The following PCLO variants were observed in gnomAD, a reference collection of about 807,000 sequenced individuals.
The protein encoded by PCLO is protein piccolo.
Under a neutral mutation model 427.5 loss-of-function variants are expected in PCLO, and 82 were observed. The observed-to-expected ratio is 0.19, with a 90% CI of 0.16 to 0.23. PCLO has a LOEUF of 0.23. Among genes scored for constraint, PCLO ranks in the 10% least tolerant of loss-of-function variants. The probability of loss-of-function intolerance (pLI) is 1.00; values close to 1 mark genes in which losing one functional copy is unlikely to be tolerated. For missense variants in PCLO, 6,239 were observed against 6,115.9 expected, an observed-to-expected ratio of 1.02 and a Z score of -0.67; for synonymous variants, 2,357 against 2,155.4, an observed-to-expected ratio of 1.09 and a Z score of -2.59.
In PCLO at chr7:82,953,229, G is replaced by A. The variant is rs572387515; in HGVS notation, c.7724C>T (p.Ser2575Phe). Residue 2575 changes from serine (S) to phenylalanine (F), a missense_variant, in exon 5 of 25, where the codon TCC (serine) becomes TTC (phenylalanine). By Grantham distance (155) the Ser-to-Phe change is radical. Around this residue, in one of 5 missense-constraint regions of PCLO, gnomAD observed 4,677 missense variants for 4,468.4 expected, o/e 1.05. Transcript: ENST00000333891. ...AATAACTACATAAGTTTCTGTGAGG[G>A]ATTTGGAAAATCTTGGTGAAGACTT... ...SNKSSPRFSK[S>F]LTETYVVITL... The A allele has an allele frequency of 1.9e-6, 3 of 1,613,954 alleles. No homozygotes were observed. Among genetic ancestry groups the A allele is most frequent in the Non-Finnish European group, 1.7e-6 (2 of 1,179,864 alleles).
chr7:82,877,854 T>C (rs1434671336), intron 10 of PCLO, among the ~76,000 whole-genome samples: 1 of 152,120 alleles, frequency 6.6e-6, no homozygotes, highest in African/African-American at 2.4e-5. Flanking sequence ...TGTTTTTTAG[T>C]AGAGACAGGG....
intron 2 of PCLO, among the ~76,000 whole-genome samples, chr7:83,147,216 A>G (rs149795665): frequency 0.015 from 2,286 of 152,290 alleles, 36 homozygotes; most frequent in South Asian, 0.064. Context: ...ACTGGATCAC[A>G]TCAAAGATGA....
At chr7:83,029,782 T>TA (rs1287661045) in intron 3 of PCLO, among the ~76,000 whole-genome samples, 1 of 133,556 alleles carries the variant, frequency 7.5e-6, no homozygotes, top group African/African-American at 2.8e-5. Context: ...TATGCAGCCA[T>TA]AAAAAATGAT....
At position 82,952,273 on chromosome 7, in the gene PCLO, C is replaced by G. The variant is rs549765960; in HGVS notation, c.8680G>C (p.Asp2894His). The G allele has an allele frequency of 6.2e-7, 1 of 1,613,950 alleles. No homozygotes were observed. The highest frequency in any genetic ancestry group is 1.3e-5 in the African/African-American group (1 of 75,042). Reference protein sequence around the residue: ...TDSTVSQGITDGEVVDLSTTK... With the variant: ...TDSTVSQGITHGEVVDLSTTK... ...GTACTGAGATCCACTACTTCCCCAT[C>G]AGTGATTCCCTGGGATACGGTGCTA... is the stretch of plus-strand genomic sequence containing the variant. The change falls in exon 5 of 25, where the codon GAT becomes CAT. Residue 2894 changes from aspartate to histidine, a missense_variant. Asp to His is a moderately conservative substitution (Grantham distance 81, BLOSUM62 -1). Around this residue, in one of 5 missense-constraint regions of PCLO, gnomAD observed 4,677 missense variants for 4,468.4 expected, o/e 1.05. Coordinates refer to ENST00000333891, the MANE Select transcript of PCLO (RefSeq NM_033026.6).
At position 83,162,412 on chromosome 7, in the gene PCLO, A is replaced by G; in HGVS notation, c.181T>C (p.Ser61Pro). Residue 61 changes from serine to proline, a missense_variant, in exon 1 of 25, where the codon TCA becomes CCA. Physicochemically the swap from Ser to Pro is moderately conservative, Grantham distance 74. Coordinates refer to ENST00000333891, the MANE Select transcript of PCLO (RefSeq NM_033026.6). ...CCCTTGGGCAGCCCCTGCGCCCTTG[A>G]CATGACAGCGGCGATCTGTCTCCTC... The part of the protein sequence containing the change: ...EERRQIAAVM[S>P]RAQGLPKGSV... The G allele has an allele frequency of 6.3e-7, 1 of 1,598,506 alleles. No homozygotes were observed. Among genetic ancestry groups the G allele is most frequent in the Non-Finnish European group, 8.5e-7 (1 of 1,172,468 alleles).
rs199635218 is a variant in PCLO at position 82,937,336 on chromosome 7, GT to G, written c.11112+12139del. Among the ~76,000 whole-genome samples the G allele has an allele frequency of 3.4e-3, 468 of 137,434 alleles. 1 individual carries two copies. Among genetic ancestry groups the G allele is most frequent in the East Asian group, 0.013 (64 of 4,758 alleles). The allele number at this position is 137,434 out of a possible 152,430, so 90.2% of individuals were successfully genotyped here. Reference sequence around the variant, plus strand: ...AATGCCTGTTAACATCCACACTACAGTTTTTTTTTTTTTGCATTTGGAAAAC... The same window carrying G: ...AATGCCTGTTAACATCCACACTACAGTTTTTTTTTTTTGCATTTGGAAAAC... On this transcript the variant is annotated intron_variant, in intron 6 of 24. Coordinates refer to ENST00000333891, the MANE Select transcript of PCLO (RefSeq NM_033026.6).
chr7:82,954,601 C>T lies in PCLO; in HGVS notation c.6352G>A (p.Asp2118Asn), dbSNP rs1480665826. 2 of 1,613,826 alleles carry T rather than the reference C, an allele frequency of 1.2e-6. No individual in the cohort carries two copies. The highest frequency in any genetic ancestry group is 1.7e-6 in the Non-Finnish European group (2 of 1,179,880). Residue 2118 changes from aspartate to asparagine, a missense_variant, in exon 5 of 25, where the codon GAT becomes AAT. Asp to Asn is a conservative substitution (Grantham distance 23). Around this residue, in one of 5 missense-constraint regions of PCLO, gnomAD observed 4,677 missense variants for 4,468.4 expected, o/e 1.05. Coordinates refer to ENST00000333891, the MANE Select transcript of PCLO (RefSeq NM_033026.6). ...SSVLSGASLTDSTSSATLSIP... is the reference protein window; with the variant it reads ...SSVLSGASLTNSTSSATLSIP... ...GAGAGTGTTGCACTGCTGGTCGAATCTGTAAGAGACGCTCCTGAGAGAACA... is the reference window on the plus strand; with the variant it reads ...GAGAGTGTTGCACTGCTGGTCGAATTTGTAAGAGACGCTCCTGAGAGAACA...
intron 3 of PCLO, among the ~76,000 whole-genome samples, chr7:82,990,750 A>C (rs1394474011): frequency 6.6e-6 from 1 of 152,130 alleles, no homozygotes; most frequent in African/African-American, 2.4e-5. Context: ...GAGATACTTA[A>C]ATGTGACTAT....
chr7:82,941,669 T>A (rs779695061), intron 6 of PCLO, among the ~76,000 whole-genome samples: 8 of 152,200 alleles, frequency 5.3e-5, no homozygotes, highest in Non-Finnish European at 2.9e-5. Context: ...TATGCATATA[T>A]GCCTATCAAT....
intron 9 of PCLO, chr7:82,879,704 C>T: frequency 2.3e-6 from 1 of 434,380 alleles, no homozygotes; most frequent in Non-Finnish European, 4.2e-6. Context: ...TTTTCTAATT[C>T]AGCCATATTC....
At chr7:83,119,633 T>C (rs982451336) in intron 3 of PCLO, among the ~76,000 whole-genome samples, 1 of 151,952 alleles carries the variant, frequency 6.6e-6, no homozygotes, top group Non-Finnish European at 1.5e-5. Flanking sequence ...CAGACATCAA[T>C]GAACATCCAC....
chr7:83,036,568 A>G (rs537678695), intron 3 of PCLO, among the ~76,000 whole-genome samples: 44 of 152,184 alleles, frequency 2.9e-4, no homozygotes, highest in African/African-American at 1.1e-3. Context: ...TATTATTAAT[A>G]TAACCTATAG....
At chr7:82,819,808 G>T (rs60156651) in intron 20 of PCLO, among the ~76,000 whole-genome samples, 2,621 of 152,182 alleles carry the variant, frequency 0.017, 82 homozygotes, top group African/African-American at 0.06. Context: ...AGAATAAAAA[G>T]AACGCAATAG....
At chr7:83,100,949 C>T (rs1401092492) in intron 3 of PCLO, among the ~76,000 whole-genome samples, 4 of 151,950 alleles carry the variant, frequency 2.6e-5, no homozygotes, top group Non-Finnish European at 4.4e-5. Flanking sequence ...AGTTTGGAGT[C>T]CCCTTTTTAC....
At chr7:82,924,509 C>A (rs1347106425) in intron 6 of PCLO, among the ~76,000 whole-genome samples, 1 of 151,998 alleles carries the variant, frequency 6.6e-6, no homozygotes, top group African/African-American at 2.4e-5. Flanking sequence ...TCTAGCTTAA[C>A]CCTATAAAAA....
At chr7:82,763,436 A>G (rs531965741) in intron 22 of PCLO, among the ~76,000 whole-genome samples, 7 of 152,236 alleles carry the variant, frequency 4.6e-5, no homozygotes, top group African/African-American at 1.7e-4. Flanking sequence ...AATCAGTGTT[A>G]TAGAGTATAG....
intron 3 of PCLO, among the ~76,000 whole-genome samples, chr7:83,114,585 C>G (rs948517355): frequency 2.0e-5 from 3 of 151,942 alleles, no homozygotes; most frequent in Non-Finnish European, 4.4e-5. Flanking sequence ...GTTTTTTGAC[C>G]AAGAAACATG....
chr7:82,857,170 G>T (rs1424169792), intron 10 of PCLO, among the ~76,000 whole-genome samples: 1 of 152,052 alleles, frequency 6.6e-6, no homozygotes, highest in East Asian at 1.9e-4. Flanking sequence ...GCAGAAAACA[G>T]ACTAAAATGC....
At chr7:82,902,832 T>A in intron 8 of PCLO, 91 bp from the exon 9 acceptor site, 7 of 680,592 alleles carry the variant, frequency 1.0e-5, no homozygotes, top group Non-Finnish European at 1.8e-5. Context: ...TCAAAGCACA[T>A]TGATTAAATC....
Sources: allele counts gnomAD v4.1 joint callset (sites outside exome capture counted in the v4.1 genomes callset), GRCh38; gene constraint gnomAD v4.1.1; regional missense constraint gnomAD v4.1.1; transcripts MANE v1.5; gene names NCBI Gene and HGNC (gene_info 2026-07-23, HGNC 2026-07-21).